EP300: variants seen among roughly 807,000 people sequenced by gnomAD.
The protein encoded by EP300 is EP300 lysine acetyltransferase.
A neutral mutation model predicts 264.0 loss-of-function variants in EP300; 31 were observed. The ratio of observed to expected loss-of-function variants is 0.12; its 90% confidence interval spans 0.09 to 0.16. The LOEUF (loss-of-function observed/expected upper bound fraction) is 0.16. Ranked by LOEUF, EP300 falls within the 10% of genes least tolerant of loss-of-function variation. EP300 has a pLI of 1.00. For synonymous variants in EP300, 1,340 were observed against 1,045.4 expected, an observed-to-expected ratio of 1.28 and a Z score of -5.44; for missense variants, 2,766 against 3,052.9, an observed-to-expected ratio of 0.91 and a Z score of 2.21.
intron 1 of EP300, among the ~76,000 whole-genome samples, chr22:41,106,338 T>C (rs181959501): frequency 6.6e-6 from 1 of 152,212 alleles, no homozygotes; most frequent in African/African-American, 2.4e-5. Flanking sequence ...ATGACTAATG[T>C]TATGTAGGTT....
In EP300 at chr22:41,170,557, G is replaced by A. The variant is rs753948138; in HGVS notation, c.4438G>A (p.Val1480Ile). The A allele has an allele frequency of 3.7e-6, 6 of 1,609,342 alleles. No individual in the cohort carries two copies. The highest frequency in any genetic ancestry group is 5.1e-6 in the Non-Finnish European group (6 of 1,177,324). ...TGACAAGGCTGTATCAGAGCGTATTGTCCATGACTACAAGGTCAGTTGGGA... is the reference window on the plus strand; with the variant it reads ...TGACAAGGCTGTATCAGAGCGTATTATCCATGACTACAAGGTCAGTTGGGA... ...MLDKAVSERIVHDYKDIFKQA... is the reference protein window; with the variant it reads ...MLDKAVSERIIHDYKDIFKQA... The change falls in exon 27 of 31, where the codon GTC (valine) becomes ATC (isoleucine). Residue 1480 changes from valine to isoleucine, a missense_variant. Coordinates refer to ENST00000263253, the MANE Select transcript of EP300 (RefSeq NM_001429.4).
At chr22:41,161,911 T>G (rs769293845) in intron 20 of EP300, among the ~76,000 whole-genome samples, 10 of 152,228 alleles carry the variant, frequency 6.6e-5, no homozygotes, top group Non-Finnish European at 1.2e-4. Flanking sequence ...TTGAAACATT[T>G]TGACATTTGG....
intron 1 of EP300, among the ~76,000 whole-genome samples, chr22:41,113,850 T>A (rs1293462233): frequency 6.6e-6 from 1 of 152,226 alleles, no homozygotes; most frequent in Non-Finnish European, 1.5e-5. Context: ...CCGGCCTTTT[T>A]AACTTTATTT....
chr22:41,115,541 TC>T (rs1302572951), intron 1 of EP300, among the ~76,000 whole-genome samples: 1 of 152,146 alleles, frequency 6.6e-6, no homozygotes, highest in African/African-American at 2.4e-5. Context: ...CAAGTAATCC[TC>T]CCACCTTAGC....
intron 1 of EP300, among the ~76,000 whole-genome samples, chr22:41,098,422 A>G (rs1019303256): frequency 3.9e-5 from 6 of 152,182 alleles, no homozygotes; most frequent in Non-Finnish European, 7.3e-5. Context: ...CCCAGGCTGG[A>G]GTGCAGTGGC....
chr22:41,117,048 A>G (rs1444204548), intron 1 of EP300, 139 bp from the exon 2 acceptor site: 1 of 795,694 alleles, frequency 1.3e-6, no homozygotes, highest in Non-Finnish European at 2.1e-6. Flanking sequence ...GCAACAGAGT[A>G]AGACCCTGTC....
At chr22:41,106,386 A>T (rs978706784) in intron 1 of EP300, among the ~76,000 whole-genome samples, 5 of 152,124 alleles carry the variant, frequency 3.3e-5, no homozygotes, top group East Asian at 1.9e-4. Flanking sequence ...TTCATTTTTT[A>T]AAAAATTCCA....
In EP300 at chr22:41,179,366, T is replaced by C. The variant is rs1601643324; in HGVS notation, c.*410T>C. 9.1e-6 allele frequency: 2 copies of C among 219,776 alleles called. No individual in the cohort carries two copies. The highest frequency in any genetic ancestry group is 4.5e-5 in the African/African-American group (2 of 44,024). The allele number at this position is 219,776 out of a possible 1,614,324, so 13.6% of individuals were successfully genotyped here. A position where few individuals can be genotyped will look rare whatever the true frequency, so the allele number is the denominator to read the frequency against. ...GCAGATGGTTGACATTTTTCCCTAT[T>C]TTCCTCACTTTATGGAAGAGTTAAA... On this transcript the variant is annotated 3_prime_UTR_variant, in exon 31 of 31. Coordinates refer to ENST00000263253, the MANE Select transcript of EP300 (RefSeq NM_001429.4).
At chr22:41,155,242 C>G (rs765138740) in intron 17 of EP300, 129 bp downstream of exon 17, 585 of 832,586 alleles carry the variant, frequency 7.0e-4, no homozygotes, top group Non-Finnish European at 9.8e-4. Context: ...TTTTTTTTCC[C>G]CCTGAGACAG....
In EP300 at chr22:41,093,106, T is replaced by A; in HGVS notation, c.94+8T>A. 1 of 1,613,882 alleles carries A rather than the reference T, an allele frequency of 6.2e-7. No individual in the cohort carries two copies. Among genetic ancestry groups the A allele is most frequent in the Non-Finnish European group, 8.5e-7 (1 of 1,179,912 alleles). On this transcript the variant is annotated splice_region_variant and intron_variant, in intron 1 of 30. Coordinates refer to ENST00000263253, the MANE Select transcript of EP300 (RefSeq NM_001429.4). ...CCGCCAGCGATGGCACAGGTTAGTT[T>A]CGGCAGCCCCGGCCTTCCACGTTCC...
In EP300 at chr22:41,126,029, A is replaced by G. The variant is rs369047398; in HGVS notation, c.895A>G (p.Met299Val). 50 of 1,614,132 alleles carry G rather than the reference A, an allele frequency of 3.1e-5. No homozygotes were observed. Among genetic ancestry groups the G allele is most frequent in the Non-Finnish European group, 4.1e-5 (48 of 1,179,994 alleles). ...CAAAAAGGCAGTTCCTGGTGGAGGAATGCCCAACATGGTGAGTACTAATCC... is the reference window on the plus strand; with the variant it reads ...CAAAAAGGCAGTTCCTGGTGGAGGAGTGCCCAACATGGTGAGTACTAATCC... ...MDKKAVPGGG[M>V]PNMGQQPAPQ... Residue 299 changes from methionine to valine, a missense_variant, in exon 3 of 31, where the codon ATG becomes GTG. Transcript: ENST00000263253.
chr22:41,108,244 C>CTTTTTCT (rs2058769061), intron 1 of EP300: 10 of 112,068 alleles, frequency 8.9e-5, no homozygotes, highest in Admixed American at 7.3e-4. Flanking sequence ...TTTTCTTTTT[C>CTTTTTCT]TTTTTTTTTT....
intron 2 of EP300, among the ~76,000 whole-genome samples, chr22:41,122,010 ATAGG>A (rs2058854753): frequency 6.6e-6 from 1 of 152,166 alleles, no homozygotes; most frequent in South Asian, 2.1e-4. Flanking sequence ...TAAAAAAAAC[ATAGG>A]TAGCAGCAGC....
At position 41,168,547 on chromosome 22, in the gene EP300, G is replaced by A; in HGVS notation, c.3973G>A (p.Val1325Ile). Residue 1325 changes from valine (V) to isoleucine (I), a missense_variant, in exon 24 of 31, where the codon GTA becomes ATA. Coordinates refer to ENST00000263253, the MANE Select transcript of EP300 (RefSeq NM_001429.4). ...TGAGTCAGGAGAGGTCACTGTTAGA[G>A]TAGTTCATGCTTCTGACAAAACCGT... is the stretch of plus-strand genomic sequence containing the variant. ...HPESGEVTVR[V>I]VHASDKTVEV... The A allele has an allele frequency of 6.2e-7, 1 of 1,614,196 alleles. No homozygotes were observed. The highest frequency in any genetic ancestry group is 1.3e-5 in the African/African-American group (1 of 75,034).
chr22:41,098,867 A>G (rs2058716086), intron 1 of EP300, among the ~76,000 whole-genome samples: 2 of 152,198 alleles, frequency 1.3e-5, no homozygotes, highest in South Asian at 4.1e-4. Flanking sequence ...ACAGCCCTGT[A>G]AGGTGGGTGC....
rs1030988399 is a variant in EP300, at chr22:41,146,957, G to C, written c.2131+141G>C. The stretch of plus-strand genomic sequence containing the variant: ...ATAGAGGAAGAGGGGGTGAAGAGCA[G>C]GTTGGCTGGCAGATCACAGGGCAGG... On this transcript the variant is annotated intron_variant, in intron 11 of 30. Coordinates refer to ENST00000263253, the MANE Select transcript of EP300 (RefSeq NM_001429.4). 9 of 768,446 alleles carry C rather than the reference G, an allele frequency of 1.2e-5. No individual in the cohort carries two copies. In the African/African-American group the frequency reaches 1.4e-4, roughly 12 times the overall value. The allele number at this position is 768,446 out of a possible 1,614,324, so 47.6% of individuals were successfully genotyped here.
chr22:41,102,538 G>T (rs1165435848), intron 1 of EP300, among the ~76,000 whole-genome samples: 1 of 152,144 alleles, frequency 6.6e-6, no homozygotes, highest in Non-Finnish European at 1.5e-5. Context: ...ATCATGGAGG[G>T]CTTATAATAC....
intron 1 of EP300, among the ~76,000 whole-genome samples, chr22:41,098,565 G>C (rs1186221226): frequency 6.6e-6 from 1 of 152,110 alleles, no homozygotes; most frequent in East Asian, 1.9e-4. Flanking sequence ...TAGAGACGGG[G>C]TTTCACCGTG....
chr22:41,124,774 A>T (rs1241797033), intron 2 of EP300, among the ~76,000 whole-genome samples: 1 of 152,242 alleles, frequency 6.6e-6, no homozygotes, highest in East Asian at 1.9e-4. Flanking sequence ...ACCTTGTTTA[A>T]CAGAATTAAA....
Sources: allele counts gnomAD v4.1 joint callset (sites outside exome capture counted in the v4.1 genomes callset), GRCh38; gene constraint gnomAD v4.1.1; transcripts MANE v1.5; gene names NCBI Gene and HGNC (gene_info 2026-07-23, HGNC 2026-07-21).